The following TAFA1 variants were observed in gnomAD, a reference collection of about 807,000 sequenced individuals.
TAFA1 encodes the protein chemokine-like protein TAFA-1.
TAFA1 carries 4 observed loss-of-function variants against 18.5 expected under a neutral mutation model. The ratio of observed to expected loss-of-function variants is 0.22; its 90% CI spans 0.11 to 0.49. TAFA1 has a LOEUF of 0.49. Ranked by LOEUF, TAFA1 falls within the 20% of genes least tolerant of loss-of-function variation. The pLI is 0.98. For missense variants in TAFA1, 147 were observed against 169.0 expected, an observed-to-expected ratio of 0.87 and a Z score of 0.72; for synonymous variants, 56 against 55.2, an observed-to-expected ratio of 1.01 and a Z score of -0.06.
intron 2 of TAFA1, among the ~76,000 whole-genome samples, chr3:68,091,672 C>A (rs2065031355): frequency 6.6e-6 from 1 of 152,016 alleles, no homozygotes; most frequent in South Asian, 2.1e-4. Flanking sequence ...AATGAATGAG[C>A]AAACTGAGGA....
chr3:68,184,582 C>T (rs1035595051), intron 2 of TAFA1, among the ~76,000 whole-genome samples: 1 of 152,108 alleles, frequency 6.6e-6, no homozygotes, highest in Non-Finnish European at 1.5e-5. Context: ...TGGCATGTCT[C>T]TTCTATCCCT....
At chr3:68,329,529 C>T (rs2068830163) in intron 2 of TAFA1, among the ~76,000 whole-genome samples, 1 of 152,116 alleles carries the variant, frequency 6.6e-6, no homozygotes, top group African/African-American at 2.4e-5. Flanking sequence ...TAGAGATTGG[C>T]TTCGAAGTTC....
At position 68,384,361 on chromosome 3, in the gene TAFA1, C is replaced by T. The variant is rs189702547; in HGVS notation, c.119-32919C>T. 5.7e-4 allele frequency among the ~76,000 whole-genome samples: 87 copies of T among 152,048 alleles called. No individual in the cohort carries two copies. The East Asian group carries it at 0.015, about 27-fold the overall frequency. ...TTTAGCTGTGTCCCAGAGATTCTTG[C>T]ATGTTGTATGTTTGTTCTCATTGTT... On this transcript the variant is annotated intron_variant, in intron 2 of 4. Coordinates refer to ENST00000478136, the MANE Select transcript of TAFA1 (RefSeq NM_213609.4).
intron 2 of TAFA1, among the ~76,000 whole-genome samples, chr3:68,097,700 C>T (rs187058905): frequency 3.9e-5 from 6 of 152,196 alleles, no homozygotes; most frequent in African/African-American, 1.4e-4. Flanking sequence ...ATGCCCAGTG[C>T]GTGCCTGGGA....
At chr3:68,124,211 C>G (rs556526399) in intron 2 of TAFA1, among the ~76,000 whole-genome samples, 1 of 152,146 alleles carries the variant, frequency 6.6e-6, no homozygotes, top group Non-Finnish European at 1.5e-5. Flanking sequence ...TCGATGGTAA[C>G]AGGGATTTTA....
chr3:68,453,226 A>C (rs1475426936), intron 3 of TAFA1, among the ~76,000 whole-genome samples: 1 of 152,176 alleles, frequency 6.6e-6, no homozygotes, highest in Non-Finnish European at 1.5e-5. Flanking sequence ...TTGACAAGAG[A>C]GCCATTGCAG....
intron 2 of TAFA1, among the ~76,000 whole-genome samples, chr3:68,008,879 C>A (rs768537085): frequency 6.6e-6 from 1 of 152,120 alleles, no homozygotes; most frequent in Non-Finnish European, 1.5e-5. Context: ...CCTTGGGCAA[C>A]TGACTTTTCT....
intron 2 of TAFA1, among the ~76,000 whole-genome samples, chr3:68,343,984 C>T (rs1249263851): frequency 6.6e-6 from 1 of 152,094 alleles, no homozygotes; most frequent in Non-Finnish European, 1.5e-5. Context: ...GCTGGGATTA[C>T]AGGCATGCGC....
At chr3:68,141,031 A>G (rs964030879) in intron 2 of TAFA1, among the ~76,000 whole-genome samples, 3 of 152,182 alleles carry the variant, frequency 2.0e-5, no homozygotes, top group Non-Finnish European at 4.4e-5. Flanking sequence ...TTCTAGAATG[A>G]ATACAAATTT....
At chr3:68,054,661 G>A (rs2064511942) in intron 2 of TAFA1, among the ~76,000 whole-genome samples, 1 of 152,188 alleles carries the variant, frequency 6.6e-6, no homozygotes, top group Admixed American at 6.5e-5. Context: ...CACTACAACA[G>A]CAGAGGTGAA....
intron 3 of TAFA1, among the ~76,000 whole-genome samples, chr3:68,428,226 C>A (rs1250348191): frequency 6.6e-6 from 1 of 151,846 alleles, no homozygotes; most frequent in Non-Finnish European, 1.5e-5. Context: ...ATGTGGCCTA[C>A]TAGAGTAAAG....
At chr3:68,051,145 G>C (rs915818025) in intron 2 of TAFA1, among the ~76,000 whole-genome samples, 3 of 152,032 alleles carry the variant, frequency 2.0e-5, no homozygotes, top group African/African-American at 7.2e-5. Context: ...TGGCTCGTAG[G>C]GTTGTTGGAG....
intron 2 of TAFA1, among the ~76,000 whole-genome samples, chr3:68,414,720 C>A (rs564113147): frequency 1.3e-5 from 2 of 152,260 alleles, no homozygotes; most frequent in South Asian, 4.2e-4. Flanking sequence ...AGGCTTTGGA[C>A]CTTCAGTGCC....
At chr3:68,414,964 G>A (rs1162468916) in intron 2 of TAFA1, among the ~76,000 whole-genome samples, 1 of 152,142 alleles carries the variant, frequency 6.6e-6, no homozygotes, top group Non-Finnish European at 1.5e-5. Flanking sequence ...AGCTGTTACT[G>A]ACTTGACGGA....
intron 2 of TAFA1, among the ~76,000 whole-genome samples, chr3:68,372,858 C>G (rs992629610): frequency 2.6e-5 from 4 of 152,018 alleles, no homozygotes; most frequent in African/African-American, 9.7e-5. Flanking sequence ...GAAGCTAAGC[C>G]AAGGAATCCT....
intron 2 of TAFA1, chr3:68,192,543 G>C (rs985047870): frequency 1.8e-5 from 3 of 165,396 alleles, no homozygotes; most frequent in Non-Finnish European, 4.1e-5. Context: ...CTAGAGAGCT[G>C]TATAGTTCAC....
intron 2 of TAFA1, among the ~76,000 whole-genome samples, chr3:68,301,560 A>G (rs1027144138): frequency 6.6e-6 from 1 of 152,168 alleles, no homozygotes; most frequent in East Asian, 1.9e-4. Flanking sequence ...GATGGTGAGG[A>G]GTAAAGTGGC....
chr3:68,118,297 A>T (rs1011906097), intron 2 of TAFA1, among the ~76,000 whole-genome samples: 3 of 152,138 alleles, frequency 2.0e-5, no homozygotes, highest in African/African-American at 7.2e-5. Context: ...ACTTCATAAT[A>T]GGGTTCTCAC....
intron 3 of TAFA1, among the ~76,000 whole-genome samples, chr3:68,490,254 T>G (rs2106679072): frequency 6.6e-6 from 1 of 152,332 alleles, no homozygotes; most frequent in East Asian, 1.9e-4. Flanking sequence ...AGTGAATAGT[T>G]CATCATATTA....
Sources: allele counts gnomAD v4.1 joint callset (sites outside exome capture counted in the v4.1 genomes callset), GRCh38; gene constraint gnomAD v4.1.1; transcripts MANE v1.5; gene names NCBI Gene and HGNC (gene_info 2026-07-23, HGNC 2026-07-21).